GRIA1: variants seen among roughly 807,000 people sequenced by gnomAD.
GRIA1 encodes the protein glutamate ionotropic receptor AMPA type subunit 1.
Under a neutral mutation model 99.2 loss-of-function variants are expected in GRIA1, and 31 were observed. The observed-to-expected ratio is 0.31, with a 90% CI of 0.23 to 0.42. The LOEUF (loss-of-function observed/expected upper bound fraction) is 0.42. Among genes scored for constraint, GRIA1 ranks in the 10% least tolerant of loss-of-function variants. GRIA1 has a pLI of 1.00. For synonymous variants in GRIA1, 438 were observed against 432.4 expected (o/e 1.01, Z -0.16); for missense variants, 782 against 1,157.5 (o/e 0.68, Z 4.71).
chr5:153,579,319 C>T (rs1225660351), intron 2 of GRIA1, among the ~76,000 whole-genome samples: 1 of 152,100 alleles, frequency 6.6e-6, no homozygotes, highest in East Asian at 1.9e-4. Context: ...TCCTTTATTC[C>T]ATAGCACCAA....
At chr5:153,637,891 A>G (rs778244465) in intron 2 of GRIA1, among the ~76,000 whole-genome samples, 1 of 152,232 alleles carries the variant, frequency 6.6e-6, no homozygotes, top group Non-Finnish European at 1.5e-5. Context: ...CTAGCTCTTT[A>G]TGAGTTATTG....
chr5:153,528,126 T>C (rs183831535), intron 2 of GRIA1, among the ~76,000 whole-genome samples: 2 of 151,688 alleles, frequency 1.3e-5, no homozygotes, highest in Admixed American at 1.3e-4. Context: ...TATTTTATTG[T>C]GTAGAGTGGA....
At chr5:153,642,501 A>G (rs1015377358) in intron 2 of GRIA1, among the ~76,000 whole-genome samples, 2 of 152,090 alleles carry the variant, frequency 1.3e-5, no homozygotes, top group Admixed American at 1.3e-4. Context: ...CTGAGGTGGG[A>G]GGATCGCTTG....
chr5:153,741,775 T>C (rs1224372201), intron 11 of GRIA1, among the ~76,000 whole-genome samples: 1 of 152,100 alleles, frequency 6.6e-6, no homozygotes, highest in African/African-American at 2.4e-5. Context: ...GAGTTACTAA[T>C]CAGCAGGCAT....
chr5:153,744,107 G>T (rs957793393), intron 11 of GRIA1, among the ~76,000 whole-genome samples: 4 of 152,082 alleles, frequency 2.6e-5, no homozygotes, highest in African/African-American at 9.7e-5. Flanking sequence ...GCCCAGAGCC[G>T]GCTGTGTCTC....
At chr5:153,644,378 C>G (rs368499307) in intron 2 of GRIA1, among the ~76,000 whole-genome samples, 56 of 152,254 alleles carry the variant, frequency 3.7e-4, no homozygotes, top group South Asian at 2.1e-3. Context: ...GCAACCCAGG[C>G]AGGGGAGCAA....
intron 13 of GRIA1, among the ~76,000 whole-genome samples, chr5:153,792,165 A>G (rs969888023): frequency 6.6e-6 from 1 of 152,168 alleles, no homozygotes; most frequent in African/African-American, 2.4e-5. Flanking sequence ...ATTTAATTAA[A>G]TGCCTTTTTA....
chr5:153,511,486 T>A (rs1430415318), intron 2 of GRIA1, among the ~76,000 whole-genome samples: 1 of 152,230 alleles, frequency 6.6e-6, no homozygotes, highest in Admixed American at 6.5e-5. Context: ...TTTTTGGGCT[T>A]CTTCCTGGAA....
intron 2 of GRIA1, among the ~76,000 whole-genome samples, chr5:153,620,249 C>T (rs1450222595): frequency 1.3e-5 from 2 of 151,844 alleles, no homozygotes; most frequent in Non-Finnish European, 1.5e-5. Context: ...GAACTAGATG[C>T]TCTTCTAGAA....
chr5:153,807,495 G>A (rs1416661179), intron 15 of GRIA1, among the ~76,000 whole-genome samples: 3 of 152,184 alleles, frequency 2.0e-5, no homozygotes, highest in Admixed American at 2.0e-4. Flanking sequence ...TTCAAAGCAT[G>A]AAAAGAATTA....
chr5:153,598,427 G>A (rs910401070), intron 2 of GRIA1, among the ~76,000 whole-genome samples: 3 of 151,994 alleles, frequency 2.0e-5, no homozygotes, highest in African/African-American at 7.3e-5. Context: ...GTATATTTTA[G>A]GAACACCAGA....
intron 2 of GRIA1, among the ~76,000 whole-genome samples, chr5:153,523,216 T>C (rs1757309787): frequency 6.6e-6 from 1 of 152,212 alleles, no homozygotes; most frequent in Non-Finnish European, 1.5e-5. Context: ...TCTCCCACTT[T>C]TCTCTAAGGC....
intron 2 of GRIA1, among the ~76,000 whole-genome samples, chr5:153,519,196 C>T (rs1009491531): frequency 6.6e-6 from 1 of 151,884 alleles, no homozygotes; most frequent in African/African-American, 2.4e-5. Flanking sequence ...CGGGAGGTGG[C>T]AGCTGCAGTG....
chr5:153,635,907 G>A (rs1753319700), intron 2 of GRIA1, among the ~76,000 whole-genome samples: 1 of 152,162 alleles, frequency 6.6e-6, no homozygotes, highest in Non-Finnish European at 1.5e-5. Context: ...CTAGTCCAAA[G>A]CTGGCCGGTG....
rs61177262 is a variant in GRIA1, at chr5:153,523,016, A to ATCTCTCTCTC, written c.220+28972_220+28981dup. On this transcript the variant is annotated intron_variant, in intron 2 of 15. Coordinates refer to ENST00000285900, the MANE Select transcript of GRIA1 (RefSeq NM_000827.4). The stretch of plus-strand genomic sequence containing the variant: ...TCCACCTGATTCTCTTGTTCCTGAT[A>ATCTCTCTCTC]TCTCTCTCTCTCTCTCTCTCTCTCT... Among the ~76,000 whole-genome samples the ATCTCTCTCTC allele has an allele frequency of 9.5e-3, 1,340 of 141,612 alleles. 20 individuals are homozygous for ATCTCTCTCTC. Among genetic ancestry groups the ATCTCTCTCTC allele is most frequent in the African/African-American group, 0.026 (962 of 37,698 alleles). 92.9% of individuals were successfully genotyped at this position (141,612 alleles called of 152,430 possible). A position where few individuals can be genotyped will look rare whatever the true frequency, so the allele number is the denominator to read the frequency against.
rs1754906191 is a variant in GRIA1 at position 153,655,865 on chromosome 5, C to G, written c.692C>G (p.Ala231Gly). The G allele has an allele frequency of 1.2e-6, 2 of 1,613,056 alleles. No individual in the cohort carries two copies. Among genetic ancestry groups the G allele is most frequent in the Admixed American group, 1.7e-5 (1 of 59,950 alleles). ...GGCATCGGCTACCACTACATTCTTG[C>G]AAATCTGGTGAGTAGAGCACTGCAG... ...KNGIGYHYIL[A>G]NLGFMDIDLN... Residue 231 changes from alanine to glycine, a missense_variant, in exon 5 of 16, where the codon GCA becomes GGA. This residue lies in a region of GRIA1 where 461 missense variants were observed against 521.7 expected (regional missense o/e 0.88). Transcript: ENST00000285900.
chr5:153,686,144 G>T, intron 7 of GRIA1, 81 bp from the exon 8 acceptor site: 1 of 1,028,982 alleles, frequency 9.7e-7, no homozygotes, highest in South Asian at 1.3e-5. Context: ...CTTGGGTTCT[G>T]AATTTCTACT....
At chr5:153,624,961 G>A (rs1292148123) in intron 2 of GRIA1, among the ~76,000 whole-genome samples, 2 of 152,210 alleles carry the variant, frequency 1.3e-5, no homozygotes. Context: ...TCAGGACTCA[G>A]TAACGTCTCC....
intron 11 of GRIA1, among the ~76,000 whole-genome samples, chr5:153,718,945 A>G (rs961320077): frequency 2.0e-5 from 3 of 152,210 alleles, no homozygotes; most frequent in African/African-American, 7.2e-5. Flanking sequence ...GTTATTGGAT[A>G]GGAACTGAAT....
Sources: gnomAD v4.1 joint callset for allele counts (sites outside exome capture counted in the v4.1 genomes callset) on GRCh38, gnomAD v4.1.1 for gene constraint, gnomAD v4.1.1 regional missense constraint, MANE v1.5 for transcripts, NCBI Gene and HGNC (gene_info 2026-07-23, HGNC 2026-07-21) for gene names.